Variants in STXBP4 observed in about 807,000 individuals in gnomAD.
STXBP4 encodes the protein syntaxin-binding protein 4.
A neutral mutation model predicts 76.1 loss-of-function variants in STXBP4; 55 were observed. That is an observed-to-expected ratio of 0.72 (90% CI 0.58 to 0.91). The LOEUF (loss-of-function observed/expected upper bound fraction) is 0.91, where lower values mean the gene tolerates loss of function less well. Ranked by LOEUF, STXBP4 falls within the 40% of genes least tolerant of loss-of-function variation. The probability of loss-of-function intolerance (pLI) is 0.00; values close to 1 mark genes in which losing one functional copy is unlikely to be tolerated. For missense variants in STXBP4, 618 were observed against 636.9 expected (o/e 0.97, Z 0.32); for synonymous variants, 201 against 220.2 (o/e 0.91, Z 0.77).
intron 16 of STXBP4, among the ~76,000 whole-genome samples, chr17:55,124,436 G>A (rs1437319753): frequency 1.3e-5 from 2 of 152,178 alleles, no homozygotes; most frequent in Non-Finnish European, 2.9e-5. Flanking sequence ...TAAAAATAAG[G>A]TAGGGAATAC....
At chr17:55,136,513 GT>G (rs143891213) in intron 16 of STXBP4, among the ~76,000 whole-genome samples, 1,764 of 152,134 alleles carry the variant, frequency 0.012, 34 homozygotes, top group African/African-American at 0.039. Context: ...AATTGTCTTT[GT>G]TCTTGAGGTT....
intron 12 of STXBP4, among the ~76,000 whole-genome samples, chr17:55,063,702 A>G (rs2079018964): frequency 6.6e-6 from 1 of 152,206 alleles, no homozygotes; most frequent in Non-Finnish European, 1.5e-5. Flanking sequence ...CACTTTCTAG[A>G]AAGCATTTCA....
chr17:55,041,185 T>C (rs1303357486), intron 10 of STXBP4, among the ~76,000 whole-genome samples: 1 of 152,070 alleles, frequency 6.6e-6, no homozygotes, highest in East Asian at 1.9e-4. Context: ...CTAGTTTCTC[T>C]TAATAAATTA....
intron 9 of STXBP4, among the ~76,000 whole-genome samples, chr17:55,031,656 C>T (rs1409763085): frequency 1.3e-5 from 2 of 152,014 alleles, no homozygotes; most frequent in African/African-American, 2.4e-5. Flanking sequence ...ATGATGCTAC[C>T]TAATTAGAGT....
intron 16 of STXBP4, among the ~76,000 whole-genome samples, chr17:55,086,237 T>C (rs2079326594): frequency 1.3e-5 from 2 of 152,056 alleles, no homozygotes; most frequent in Non-Finnish European, 2.9e-5. Flanking sequence ...TGCAATCAGG[T>C]TTTTTATATT....
intron 7 of STXBP4, among the ~76,000 whole-genome samples, chr17:55,003,250 A>C (rs946441632): frequency 1.3e-5 from 2 of 152,240 alleles, no homozygotes; most frequent in South Asian, 2.1e-4. Flanking sequence ...AACAATGAAT[A>C]AACTCAGGTA....
intron 1 of STXBP4, among the ~76,000 whole-genome samples, chr17:54,984,102 T>G (rs562708995): frequency 6.6e-6 from 1 of 152,262 alleles, no homozygotes; most frequent in South Asian, 2.1e-4. Context: ...GAAATGTGTT[T>G]TTACCACCCA....
At chr17:55,007,216 G>GT (rs1002345379) in intron 7 of STXBP4, among the ~76,000 whole-genome samples, 1 of 151,876 alleles carries the variant, frequency 6.6e-6, no homozygotes, top group African/African-American at 2.4e-5. Flanking sequence ...GCATGCACCT[G>GT]TAGTCCCAGC....
chr17:55,064,225 A>T (rs1241572980), intron 12 of STXBP4, among the ~76,000 whole-genome samples: 2 of 152,152 alleles, frequency 1.3e-5, no homozygotes, highest in African/African-American at 4.8e-5. Context: ...ATGGATTTGA[A>T]ATTAAACTGT....
At chr17:55,113,217 CCACA>C (rs10611316) in intron 16 of STXBP4, among the ~76,000 whole-genome samples, 47,983 of 141,126 alleles carry the variant, frequency 0.34, 8,337 homozygotes, top group Middle Eastern at 0.5. Context: ...GGTGCTCTTA[CCACA>C]CACACACACA....
intron 8 of STXBP4, among the ~76,000 whole-genome samples, chr17:55,029,173 A>G (rs2078464761): frequency 1.3e-5 from 2 of 152,134 alleles, no homozygotes; most frequent in Non-Finnish European, 1.5e-5. Flanking sequence ...AGTTTTGCAG[A>G]CAATATTGAG....
chr17:55,056,514 T>C (rs997561277), intron 12 of STXBP4, among the ~76,000 whole-genome samples: 9 of 151,186 alleles, frequency 6.0e-5, no homozygotes, highest in African/African-American at 2.2e-4. Context: ...AACAAAACTA[T>C]TTTATTTTCT....
At chr17:55,028,058 A>C (rs1289931753) in intron 8 of STXBP4, among the ~76,000 whole-genome samples, 1 of 152,170 alleles carries the variant, frequency 6.6e-6, no homozygotes, top group Non-Finnish European at 1.5e-5. Flanking sequence ...ACATTCAAAA[A>C]CTGAAGTAAA....
intron 16 of STXBP4, among the ~76,000 whole-genome samples, chr17:55,084,799 C>T (rs573359330): frequency 0.016 from 2,385 of 152,142 alleles, 53 homozygotes; most frequent in African/African-American, 0.051. Flanking sequence ...TGTAGATATG[C>T]GGCGTTATTT....
chr17:55,040,819 A>T (rs1438895507), intron 10 of STXBP4, among the ~76,000 whole-genome samples: 1 of 152,234 alleles, frequency 6.6e-6, no homozygotes, highest in African/African-American at 2.4e-5. Flanking sequence ...TATAAATTTC[A>T]GTAGTTACTG....
chr17:55,200,628 C>T, the STXBP4 span, among the ~76,000 whole-genome samples: 9 of 152,146 alleles, frequency 5.9e-5, no homozygotes, highest in Non-Finnish European at 7.4e-5. Context: ...GTATCTAATT[C>T]ACTGGTCTTT....
At chr17:55,071,038 C>T (rs565342437) in intron 12 of STXBP4, among the ~76,000 whole-genome samples, 11 of 152,288 alleles carry the variant, frequency 7.2e-5, no homozygotes, top group African/African-American at 2.4e-4. Context: ...AATCTAACTG[C>T]TTCACACCAA....
chr17:55,083,612 T>A (rs1277679121), intron 16 of STXBP4, among the ~76,000 whole-genome samples: 2 of 152,168 alleles, frequency 1.3e-5, no homozygotes, highest in Non-Finnish European at 2.9e-5. Context: ...CTCACGTGGT[T>A]GCAGTCAGAT....
At chr17:55,068,693 C>T (rs2079083509) in intron 12 of STXBP4, among the ~76,000 whole-genome samples, 2 of 151,986 alleles carry the variant, frequency 1.3e-5, no homozygotes, top group Admixed American at 1.3e-4. Flanking sequence ...AAAATTGTGC[C>T]AAGAACTATT....
Sources: allele counts gnomAD v4.1 joint callset (sites outside exome capture counted in the v4.1 genomes callset), GRCh38; gene constraint gnomAD v4.1.1; transcripts MANE v1.5; gene names NCBI Gene and HGNC (gene_info 2026-07-23, HGNC 2026-07-21).